Variants in KCNK15 observed in about 807,000 individuals in gnomAD.
KCNK15 encodes potassium channel subfamily K member 15.
KCNK15 carries 9 observed loss-of-function variants against 8.5 expected under a neutral mutation model. That is an observed-to-expected ratio of 1.06 (90% CI 0.64 to 1.85). The LOEUF is 1.85. Ranked by LOEUF, KCNK15 falls within the 40% of genes most tolerant of loss-of-function variation. The pLI, the probability that KCNK15 is intolerant of heterozygous loss-of-function variation, is 0.00. For missense variants in KCNK15, 467 were observed against 476.8 expected (o/e 0.98, Z 0.19); for synonymous variants, 224 against 232.7 (o/e 0.96, Z 0.34).
At chr20:44,746,299 G>A (rs2066007626) in intron 1 of KCNK15, 106 bp downstream of exon 1, 2 of 1,083,002 alleles carry the variant, frequency 1.8e-6, no homozygotes, top group African/African-American at 1.6e-5. Context: ...AGCTACTTTG[G>A]ACGGGTCATT....
intron 1 of KCNK15, 25 bp downstream of exon 1, chr20:44,746,218 G>A (rs542613250): frequency 2.7e-4 from 368 of 1,367,192 alleles, no homozygotes; most frequent in Admixed American, 9.1e-4. Context: ...GCCTCCCTCC[G>A]CGCCCGCTCC....
chr20:44,751,594 G>T lies in KCNK15; in HGVS notation c.*756G>T, dbSNP rs539175062. Reference sequence around the variant, plus strand: ...CTTGGAGAATCGCATCCTCTCCCAGGGCCTCAGTTTCCACATCTGTAGAAT... The same window carrying T: ...CTTGGAGAATCGCATCCTCTCCCAGTGCCTCAGTTTCCACATCTGTAGAAT... On this transcript the variant is annotated 3_prime_UTR_variant, in exon 2 of 2. Transcript: ENST00000372861. 1 of 152,262 alleles carries T rather than the reference G, an allele frequency of 6.6e-6. No individual in the cohort carries two copies. The highest frequency in any genetic ancestry group is 2.4e-5 in the African/African-American group (1 of 41,512). 9.4% of individuals were successfully genotyped at this position (152,262 alleles called of 1,614,324 possible). A position where few individuals can be genotyped will look rare whatever the true frequency, so the allele number is the denominator to read the frequency against.
rs995969922 is a variant in KCNK15 at position 44,750,677 on chromosome 20, C to G, written c.832C>G (p.Arg278Gly). The G allele has an allele frequency of 6.8e-7, 1 of 1,480,568 alleles. No homozygotes were observed. The highest frequency in any genetic ancestry group is 8.9e-7 in the Non-Finnish European group (1 of 1,122,892). 91.7% of individuals were successfully genotyped at this position (1,480,568 alleles called of 1,614,324 possible). Residue 278 changes from arginine (R) to glycine (G), a missense_variant, in exon 2 of 2, where the codon CGC becomes GGC. This residue lies in a region of KCNK15 where 455 missense variants were observed against 441.2 expected (regional missense o/e 1.03). Coordinates refer to ENST00000372861, the MANE Select transcript of KCNK15 (RefSeq NM_022358.4). ...CGAGAGCCGTGGCCTCTGGCTGCCC[C>G]GCCGCCCGGCCCGCTCCGTGGGCTC... ...APESRGLWLP[R>G]RPARSVGSAS...
rs377512647 is a variant in KCNK15 at position 44,750,493 on chromosome 20, G to T, written c.648G>T (p.Arg216Ser). The T allele has an allele frequency of 1.2e-6, 2 of 1,613,990 alleles. No individual in the cohort carries two copies. ...VALQSGEALQ[R>S]KLPYVAFSFL... ...TGCAGAGCGGCGAGGCGCTGCAGAG[G>T]AAGCTCCCCTACGTGGCCTTCAGCT... Residue 216 changes from arginine to serine, a missense_variant, in exon 2 of 2, where the codon AGG becomes AGT. Physicochemically the swap from Arg to Ser is moderately radical, Grantham distance 110 (BLOSUM62 -1). Transcript: ENST00000372861.
Position 44,747,865 on chromosome 20 carries a change from G to A in KCNK15, c.283+1672G>A, listed in dbSNP as rs141354695. On this transcript the variant is annotated intron_variant, in intron 1 of 1. Coordinates refer to ENST00000372861, the MANE Select transcript of KCNK15 (RefSeq NM_022358.4). ...GGGTGCTGGTTAATAGCTCAGGCCC[G>A]TGGAGGGTGCTGGTTAATAGTTCAG... 4.4e-3 allele frequency among the ~76,000 whole-genome samples: 673 copies of A among 151,956 alleles called. 3 individuals carry two copies. Among genetic ancestry groups the A allele is most frequent in the African/African-American group, 0.015 (611 of 41,410 alleles).
chr20:44,748,894 T>A (rs1028248700), intron 1 of KCNK15, among the ~76,000 whole-genome samples: 3 of 152,152 alleles, frequency 2.0e-5, no homozygotes, highest in Non-Finnish European at 2.9e-5. Context: ...AACCAGAATG[T>A]CTCCAGATGT....
chr20:44,750,525 A>G lies in KCNK15; in HGVS notation c.680A>G (p.Tyr227Cys), dbSNP rs199623620. Residue 227 changes from tyrosine to cysteine, a missense_variant, in exon 2 of 2, where the codon TAC becomes TGC. Physicochemically the swap from Tyr to Cys is radical, Grantham distance 194. Coordinates refer to ENST00000372861, the MANE Select transcript of KCNK15 (RefSeq NM_022358.4). ...KLPYVAFSFL[Y>C]ILLGLTVIGA... ...CCCTACGTGGCCTTCAGCTTCCTCT[A>G]CATCCTCCTGGGGCTCACGGTCATT... The G allele has an allele frequency of 5.0e-5, 81 of 1,612,430 alleles. No individual in the cohort carries two copies. The highest frequency in any genetic ancestry group is 1.3e-5 in the Non-Finnish European group (15 of 1,179,254).
At position 44,751,094 on chromosome 20, in the gene KCNK15, G is replaced by T; in HGVS notation, c.*256G>T. 1 of 318,000 alleles carries T rather than the reference G, an allele frequency of 3.1e-6. No individual in the cohort carries two copies. Among genetic ancestry groups the T allele is most frequent in the Non-Finnish European group, 5.7e-6 (1 of 176,194 alleles). The allele number at this position is 318,000 out of a possible 1,614,324, so 19.7% of individuals were successfully genotyped here. On this transcript the variant is annotated 3_prime_UTR_variant, in exon 2 of 2. Transcript: ENST00000372861. ...CTTGTAGTCCAAATTGTATGAGGGC[G>T]TGGCCACATCAGCACTTAGGAGAGG... is the stretch of plus-strand genomic sequence containing the variant.
At chr20:44,748,291 C>T (rs1426902141) in intron 1 of KCNK15, among the ~76,000 whole-genome samples, 1 of 152,026 alleles carries the variant, frequency 6.6e-6, no homozygotes, top group African/African-American at 2.4e-5. Context: ...GGGACTACAC[C>T]ACCATCGTCC....
rs976093498 is a variant in KCNK15, at chr20:44,751,455, G to T, written c.*617G>T. The stretch of plus-strand genomic sequence containing the variant: ...TTGTCCCTGGCCAGCCCCACTTCAG[G>T]ATGAGGGAGGCCTTGCTGTCACCCA... On this transcript the variant is annotated 3_prime_UTR_variant, in exon 2 of 2. Transcript: ENST00000372861. 6.6e-6 allele frequency: 1 copy of T among 152,376 alleles called. No individual in the cohort carries two copies. Among genetic ancestry groups the T allele is most frequent in the South Asian group, 2.1e-4 (1 of 4,824 alleles). The allele number at this position is 152,376 out of a possible 1,614,324, so 9.4% of individuals were successfully genotyped here.
chr20:44,746,456 G>A (rs1161617093), intron 1 of KCNK15, among the ~76,000 whole-genome samples: 2 of 152,196 alleles, frequency 1.3e-5, no homozygotes, highest in Non-Finnish European at 2.9e-5. Flanking sequence ...TGACCCAGGA[G>A]TGCTCAGAAA....
At position 44,745,897 on chromosome 20, in the gene KCNK15, G is replaced by C. The variant is rs532554376; in HGVS notation, c.-14G>C. 4 of 1,291,374 alleles carry C rather than the reference G, an allele frequency of 3.1e-6. No individual in the cohort carries two copies. Among genetic ancestry groups the C allele is most frequent in the Non-Finnish European group, 2.9e-6 (3 of 1,017,516 alleles). 80.0% of individuals were successfully genotyped at this position (1,291,374 alleles called of 1,614,324 possible). A position where few individuals can be genotyped will look rare whatever the true frequency, so the allele number is the denominator to read the frequency against. On this transcript the variant is annotated 5_prime_UTR_variant, in exon 1 of 2. Transcript: ENST00000372861. Reference sequence around the variant, plus strand: ...GCAGGTTGGGACCGCGGCGGGTACCGGGGCCGGGGCGCCATGCGGAGGCCG... The same window carrying C: ...GCAGGTTGGGACCGCGGCGGGTACCCGGGCCGGGGCGCCATGCGGAGGCCG...
At chr20:44,747,182 G>T (rs1289935350) in intron 1 of KCNK15, 1 of 152,216 alleles carries the variant, frequency 6.6e-6, no homozygotes, top group Admixed American at 6.5e-5. Context: ...GGAGTTAAAA[G>T]TATGAGTTCT....
intron 1 of KCNK15, among the ~76,000 whole-genome samples, chr20:44,747,555 C>T (rs959574615): frequency 9.9e-5 from 15 of 152,222 alleles, no homozygotes; most frequent in Non-Finnish European, 2.1e-4. Context: ...TTCTCTCTGC[C>T]TTTATCTACA....
chr20:44,751,239 T>G lies in KCNK15; in HGVS notation c.*401T>G. 6.4e-6 allele frequency: 1 copy of G among 156,970 alleles called. No homozygotes were observed. Among genetic ancestry groups the G allele is most frequent in the East Asian group, 1.8e-4 (1 of 5,416 alleles). The allele number at this position is 156,970 out of a possible 1,614,324, so 9.7% of individuals were successfully genotyped here. On this transcript the variant is annotated 3_prime_UTR_variant, in exon 2 of 2. Transcript: ENST00000372861. ...TCAACACTGGAATCTTCGCTGCAAT[T>G]AGTGAGGTCAGATGCTCACACTACG...
rs929050705 is a variant in KCNK15 at position 44,752,011 on chromosome 20, C to A, written c.*1173C>A. The A allele has an allele frequency of 1.3e-5, 2 of 152,256 alleles. No individual in the cohort carries two copies. The highest frequency in any genetic ancestry group is 1.3e-4 in the Admixed American group (2 of 15,276). 9.4% of individuals were successfully genotyped at this position (152,256 alleles called of 1,614,324 possible). ...AAGGACCCAGGCTCCTGCCTTCCCA[C>A]CACCCGTCCAGGAAGCAGTCATAAA... On this transcript the variant is annotated 3_prime_UTR_variant, in exon 2 of 2. Transcript: ENST00000372861.
rs867917287 is a variant in KCNK15 at position 44,750,794 on chromosome 20, G to A, written c.949G>A (p.Gly317Ser). Residue 317 changes from glycine to serine, a missense_variant, in exon 2 of 2, where the codon GGC becomes AGC. Gly to Ser is a moderately conservative substitution (Grantham distance 56). This residue lies in a region of KCNK15 where 455 missense variants were observed against 441.2 expected (regional missense o/e 1.03). Coordinates refer to ENST00000372861, the MANE Select transcript of KCNK15 (RefSeq NM_022358.4). ...SPPSSPGVVR[G>S]GQAPRLGARW... ...CCCCTCGAGCCCGGGGGTCGTGCGTGGCGGGCAGGCTCCCAGGCTTGGGGC... is the reference window on the plus strand; with the variant it reads ...CCCCTCGAGCCCGGGGGTCGTGCGTAGCGGGCAGGCTCCCAGGCTTGGGGC... 8 of 1,497,728 alleles carry A rather than the reference G, an allele frequency of 5.3e-6. No individual in the cohort carries two copies. The Middle Eastern group carries it at 1.2e-3, about 224-fold the overall frequency. The allele number at this position is 1,497,728 out of a possible 1,614,324, so 92.8% of individuals were successfully genotyped here.
chr20:44,748,601 C>T (rs2066016626), intron 1 of KCNK15, among the ~76,000 whole-genome samples: 1 of 152,174 alleles, frequency 6.6e-6, no homozygotes, highest in Non-Finnish European at 1.5e-5. Context: ...TGGATATATT[C>T]TCTGCCTATA....
rs777309842 is a variant in KCNK15 at position 44,746,131 on chromosome 20, C to T, written c.221C>T (p.Ala74Val). ...RLALQAEPHR[A>V]GRQWKFPGSF... ...GCGCTCCAGGCTGAGCCCCACCGCG[C>T]CGGCCGCCAGTGGAAGTTCCCCGGC... Residue 74 changes from alanine (A) to valine (V), a missense_variant, in exon 1 of 2, where the codon GCC becomes GTC. Ala to Val is a moderately conservative substitution (Grantham distance 64, BLOSUM62 0). Transcript: ENST00000372861. 1.7e-5 allele frequency: 24 copies of T among 1,429,946 alleles called. No individual in the cohort carries two copies. The highest frequency in any genetic ancestry group is 4.5e-5 in the African/African-American group (3 of 67,118). 88.6% of individuals were successfully genotyped at this position (1,429,946 alleles called of 1,614,324 possible).
Sources: gnomAD v4.1 joint callset for allele counts (sites outside exome capture counted in the v4.1 genomes callset) on GRCh38, gnomAD v4.1.1 for gene constraint, gnomAD v4.1.1 regional missense constraint, MANE v1.5 for transcripts, NCBI Gene and HGNC (gene_info 2026-07-23, HGNC 2026-07-21) for gene names.